SYT11: variants seen among roughly 807,000 people sequenced by gnomAD.
SYT11 encodes the protein synaptotagmin-11.
SYT11 carries 12 observed loss-of-function variants against 30.4 expected under a neutral mutation model. That is an observed-to-expected ratio of 0.39 (90% CI 0.25 to 0.64). The LOEUF is 0.64. SYT11 is among the 30% of genes least tolerant of loss of function. The pLI, the probability that SYT11 is intolerant of heterozygous loss-of-function variation, is 0.45. For missense variants in SYT11, 412 were observed against 552.0 expected (o/e 0.75, Z 2.54); for synonymous variants, 204 against 216.0 (o/e 0.94, Z 0.49).
intron 1 of SYT11, among the ~76,000 whole-genome samples, chr1:155,864,481 T>C (rs1672637509): frequency 6.6e-6 from 1 of 152,056 alleles, no homozygotes; most frequent in Non-Finnish European, 1.5e-5. Context: ...TCATCTAGGT[T>C]TGGAGGGAAG....
At chr1:155,874,884 C>A (rs932441515) in intron 2 of SYT11, among the ~76,000 whole-genome samples, 1 of 148,192 alleles carries the variant, frequency 6.7e-6, no homozygotes, top group South Asian at 2.1e-4. Context: ...AGCAAGACTC[C>A]GTCTCAAAAA....
Position 155,867,638 on chromosome 1 carries a change from A to G in SYT11, c.35-327A>G, listed in dbSNP as rs373593387. 2.6e-4 allele frequency among the ~76,000 whole-genome samples: 39 copies of G among 152,316 alleles called. 1 individual carries two copies. In the South Asian group the frequency reaches 8.1e-3, roughly 32 times the overall value. On this transcript the variant is annotated intron_variant, in intron 1 of 3. Coordinates refer to ENST00000368324, the MANE Select transcript of SYT11 (RefSeq NM_152280.5). Reference sequence around the variant, plus strand: ...AAAGGTGATCTTAGAACACGTACAGAGCAGCTTTATGTGAAGCACAAATCA... The same window carrying G: ...AAAGGTGATCTTAGAACACGTACAGGGCAGCTTTATGTGAAGCACAAATCA...
chr1:155,878,450 G>T (rs1487286139), intron 2 of SYT11, among the ~76,000 whole-genome samples: 3 of 151,996 alleles, frequency 2.0e-5, no homozygotes, highest in African/African-American at 7.3e-5. Flanking sequence ...ACCTTTTCAG[G>T]CCCAACTCCT....
intron 2 of SYT11, among the ~76,000 whole-genome samples, chr1:155,876,310 A>C (rs1305896847): frequency 7.9e-6 from 1 of 126,276 alleles, no homozygotes; most frequent in Non-Finnish European, 1.6e-5. Context: ...CAGTGGCGCG[A>C]TCTCGGCTCA....
rs1673042840 is a variant in SYT11, at chr1:155,884,877, G to C, written c.*3369G>C. 1 of 152,764 alleles carries C rather than the reference G, an allele frequency of 6.5e-6. No individual in the cohort carries two copies. Among genetic ancestry groups the C allele is most frequent in the African/African-American group, 2.4e-5 (1 of 41,448 alleles). The allele number at this position is 152,764 out of a possible 1,614,324, so 9.5% of individuals were successfully genotyped here. On this transcript the variant is annotated 3_prime_UTR_variant, in exon 4 of 4. Transcript: ENST00000368324. The stretch of plus-strand genomic sequence containing the variant: ...CTGGTTTGTGGGACAGGGGCAGCTT[G>C]CTCAGGAGAGGGAATAACGCAGGTC...
At chr1:155,878,433 A>T (rs1672904511) in intron 2 of SYT11, among the ~76,000 whole-genome samples, 1 of 151,968 alleles carries the variant, frequency 6.6e-6, no homozygotes, top group African/African-American at 2.4e-5. Context: ...TTCTCTGAAC[A>T]CAGCTTACCT....
chr1:155,862,708 A>C (rs759071830), intron 1 of SYT11, among the ~76,000 whole-genome samples: 66 of 152,204 alleles, frequency 4.3e-4, no homozygotes, highest in Non-Finnish European at 7.2e-4. Context: ...GGTGTCTCCT[A>C]ATCTAAGCCT....
intron 2 of SYT11, among the ~76,000 whole-genome samples, chr1:155,877,481 C>T (rs780336603): frequency 4.6e-5 from 7 of 151,584 alleles, no homozygotes; most frequent in African/African-American, 7.3e-5. Flanking sequence ...CTCACTGCAG[C>T]TTCGATCTCC....
intron 2 of SYT11, among the ~76,000 whole-genome samples, chr1:155,869,973 G>C (rs864770): frequency 0.97 from 147,773 of 152,324 alleles, 71,849 homozygotes; most frequent in East Asian, 1. Context: ...CCTCTATTTT[G>C]TCATTTGTAA....
At chr1:155,869,831 C>A (rs1455118893) in intron 2 of SYT11, among the ~76,000 whole-genome samples, 1 of 152,188 alleles carries the variant, frequency 6.6e-6, no homozygotes, top group Non-Finnish European at 1.5e-5. Context: ...TCATTTATTT[C>A]TTCCACAACT....
chr1:155,868,236 C>T lies in SYT11; in HGVS notation c.306C>T (p.Gly102=). Residue 102 remains glycine, a synonymous_variant, in exon 2 of 4, where the codon GGC becomes GGT. Transcript: ENST00000368324. This position sits in a 1 kb window ranked among gnomAD's most constrained non-coding sequence, Gnocchi z 4.7. ...TGTTGGTGGACGCAGCAGAGGCTGG[C>T]CTGCTAAGCCGAGACAAAGATCCCA... The part of the protein sequence containing the change: ...RNLLVDAAEA[G]LLSRDKDPRG... The T allele has an allele frequency of 6.2e-7, 1 of 1,614,012 alleles. No homozygotes were observed. The highest frequency in any genetic ancestry group is 8.5e-7 in the Non-Finnish European group (1 of 1,179,994).
intron 2 of SYT11, among the ~76,000 whole-genome samples, chr1:155,872,061 A>G (rs994311684): frequency 2.1e-4 from 32 of 151,986 alleles, no homozygotes; most frequent in African/African-American, 7.0e-4. Flanking sequence ...ACAGAAGGAG[A>G]CCCTGTCTCA....
At chr1:155,872,976 A>C (rs1428535051) in intron 2 of SYT11, among the ~76,000 whole-genome samples, 1 of 152,210 alleles carries the variant, frequency 6.6e-6, no homozygotes, top group East Asian at 1.9e-4. Context: ...GAAGTTGTCA[A>C]CTTTCCCAAA....
chr1:155,868,918 T>A lies in SYT11; in HGVS notation c.861+127T>A, dbSNP rs1282745854. 1.1e-6 allele frequency: 1 copy of A among 912,480 alleles called. No individual in the cohort carries two copies. The highest frequency in any genetic ancestry group is 1.6e-6 in the Non-Finnish European group (1 of 614,746). The allele number at this position is 912,480 out of a possible 1,614,324, so 56.5% of individuals were successfully genotyped here. On this transcript the variant is annotated intron_variant, in intron 2 of 3. Coordinates refer to ENST00000368324, the MANE Select transcript of SYT11 (RefSeq NM_152280.5). The surrounding 1 kb of genome is among the most constrained non-coding windows in gnomAD (Gnocchi z 4.7). The stretch of plus-strand genomic sequence containing the variant: ...GGGCTGTAGAGAGGAAGCTCTTGGA[T>A]GTCAAGGATAAGCAGTGGTCAGAGT...
intron 2 of SYT11, among the ~76,000 whole-genome samples, chr1:155,879,784 T>G (rs1672932148): frequency 6.6e-6 from 1 of 152,228 alleles, no homozygotes; most frequent in Admixed American, 6.5e-5. Context: ...GTTTACAAAT[T>G]TTAACTTATT....
rs1364604706 is a variant in SYT11, at chr1:155,860,781, G to C, written c.34+986G>C. Reference sequence around the variant, plus strand: ...GGAAAATAGGGAAGAAGGTGGCAAAGACAAGCTTGAGAAGGAAGTTTTTTC... The same window carrying C: ...GGAAAATAGGGAAGAAGGTGGCAAACACAAGCTTGAGAAGGAAGTTTTTTC... On this transcript the variant is annotated intron_variant, in intron 1 of 3. Coordinates refer to ENST00000368324, the MANE Select transcript of SYT11 (RefSeq NM_152280.5). The surrounding 1 kb of genome is among the most constrained non-coding windows in gnomAD (Gnocchi z 4.1). 6.6e-6 allele frequency among the ~76,000 whole-genome samples: 1 copy of C among 152,232 alleles called. No homozygotes were observed. Among genetic ancestry groups the C allele is most frequent in the Non-Finnish European group, 1.5e-5 (1 of 68,038 alleles).
intron 2 of SYT11, among the ~76,000 whole-genome samples, chr1:155,874,276 G>A (rs1420236628): frequency 6.6e-6 from 1 of 151,222 alleles, no homozygotes; most frequent in Non-Finnish European, 1.5e-5. Flanking sequence ...CCTGTCTCGA[G>A]GGGAAAAACA....
Position 155,868,547 on chromosome 1 carries a change from A to G in SYT11, c.617A>G (p.Lys206Arg), listed in dbSNP as rs1410247008. Reference protein sequence around the residue: ...PYIKMTILPDKRHRVKTRVLR... With the variant: ...PYIKMTILPDRRHRVKTRVLR... ...ATCAAAATGACCATCCTTCCTGACA[A>G]ACGGCATCGGGTGAAGACCAGAGTG... The change falls in exon 2 of 4, where the codon AAA (lysine) becomes AGA (arginine). Residue 206 changes from lysine (K) to arginine (R), a missense_variant. Lys to Arg is a conservative substitution (Grantham distance 26, BLOSUM62 2). Transcript: ENST00000368324. This position sits in a 1 kb window ranked among gnomAD's most constrained non-coding sequence, Gnocchi z 4.7. The G allele has an allele frequency of 1.2e-6, 2 of 1,614,116 alleles. No homozygotes were observed. Among genetic ancestry groups the G allele is most frequent in the Non-Finnish European group, 1.7e-6 (2 of 1,180,022 alleles).
chr1:155,881,357 T>C lies in SYT11; in HGVS notation c.1145T>C (p.Ile382Thr), dbSNP rs560124002. ...LPDISIEFLV[I>T]DFDRTTKNEV... ...GATATCAGCATCGAGTTCCTCGTTA[T>C]CGACTTCGATCGCACCACCAAGAAT... The change falls in exon 4 of 4, where the codon ATC becomes ACC. Residue 382 changes from isoleucine to threonine, a missense_variant. Ile to Thr is a moderately conservative substitution (Grantham distance 89, BLOSUM62 -1). Transcript: ENST00000368324. 2.5e-6 allele frequency: 4 copies of C among 1,614,196 alleles called. No homozygotes were observed. The highest frequency in any genetic ancestry group is 2.2e-5 in the South Asian group (2 of 91,074).
Sources: allele counts gnomAD v4.1 joint callset (sites outside exome capture counted in the v4.1 genomes callset), GRCh38; gene constraint gnomAD v4.1.1; non-coding constraint Gnocchi (gnomAD v3.1); transcripts MANE v1.5; gene names NCBI Gene and HGNC (gene_info 2026-07-23, HGNC 2026-07-21).